KCNN2: variants seen among roughly 807,000 people sequenced by gnomAD.
KCNN2 encodes the protein small conductance calcium-activated potassium channel protein 2.
Under a neutral mutation model 55.5 loss-of-function variants are expected in KCNN2, and 24 were observed. That is an observed-to-expected ratio of 0.43 (90% confidence interval 0.31 to 0.61). KCNN2 has a LOEUF of 0.61. KCNN2 is among the 20% of genes least tolerant of loss of function. The pLI, the probability that KCNN2 is intolerant of heterozygous loss-of-function variation, is 0.08. For synonymous variants in KCNN2, 431 were observed against 336.1 expected, an observed-to-expected ratio of 1.28 and a Z score of -3.09; for missense variants, 754 against 853.6, an observed-to-expected ratio of 0.88 and a Z score of 1.45.
chr5:114,141,031 C>A (rs930717256), intron 1 of KCNN2, among the ~76,000 whole-genome samples: 64 of 152,006 alleles, frequency 4.2e-4, no homozygotes, highest in African/African-American at 1.5e-3. Flanking sequence ...TAGTGATCCA[C>A]CCTCCTCAGC....
At chr5:114,391,766 A>G (rs1322940842) in intron 2 of KCNN2, among the ~76,000 whole-genome samples, 3 of 152,212 alleles carry the variant, frequency 2.0e-5, no homozygotes, top group Non-Finnish European at 2.9e-5. Context: ...ATGCAGGCAT[A>G]CTTTCAGCTG....
At position 114,241,248 on chromosome 5, in the gene KCNN2, A is replaced by C. The variant is rs937367271; in HGVS notation, c.-185+19683A>C. Among the ~76,000 whole-genome samples, 4 of 152,080 alleles carry C rather than the reference A, an allele frequency of 2.6e-5. No homozygotes were observed. The South Asian group carries it at 6.2e-4, about 24-fold the overall frequency. ...CTGAGAACATTATGTAATTTAATGT[A>C]ATTCCACTCAGCATTTCAATAGATT... On this transcript the variant is annotated intron_variant, in intron 2 of 10. Transcript: ENST00000512097.
chr5:114,350,769 T>C (rs1240535424), intron 2 of KCNN2, among the ~76,000 whole-genome samples: 3 of 151,886 alleles, frequency 2.0e-5, no homozygotes, highest in African/African-American at 7.2e-5. Context: ...CAGTCATAAA[T>C]GTAAAGGTTT....
chr5:114,199,434 T>C (rs1753624362), intron 1 of KCNN2, among the ~76,000 whole-genome samples: 1 of 152,268 alleles, frequency 6.6e-6, no homozygotes, highest in Middle Eastern at 3.4e-3. Flanking sequence ...AATATTGATA[T>C]ATGAGGCTTT....
chr5:114,278,604 G>C (rs927879292), intron 2 of KCNN2, among the ~76,000 whole-genome samples: 3 of 152,226 alleles, frequency 2.0e-5, no homozygotes, highest in African/African-American at 7.2e-5. Flanking sequence ...CCTTGCTCCA[G>C]CATCCCAGGT....
At chr5:114,475,706 C>T (rs1055271285) in intron 5 of KCNN2, among the ~76,000 whole-genome samples, 1 of 151,986 alleles carries the variant, frequency 6.6e-6, no homozygotes, top group African/African-American at 2.4e-5. Context: ...CAGAAAAATG[C>T]ACGTGTGCTT....
chr5:114,403,128 G>A (rs1181076941), intron 2 of KCNN2, among the ~76,000 whole-genome samples: 1 of 152,166 alleles, frequency 6.6e-6, no homozygotes, highest in Admixed American at 6.5e-5. Context: ...TTTATCCTGA[G>A]TTTGTATTGT....
At position 114,072,907 on chromosome 5, in the gene KCNN2, A is replaced by G. The variant is rs147839106; in HGVS notation, c.-271+16407A>G. On this transcript the variant is annotated intron_variant, in intron 1 of 10. Transcript: ENST00000512097. Reference sequence around the variant, plus strand: ...TCTTTTGCTTAAAAGTACTATAAACATGTTAAATTAATTATATGCTAATAA... The same window carrying G: ...TCTTTTGCTTAAAAGTACTATAAACGTGTTAAATTAATTATATGCTAATAA... Among the ~76,000 whole-genome samples, 279 of 152,366 alleles carry G rather than the reference A, an allele frequency of 1.8e-3. 2 individuals are homozygous for G. Among genetic ancestry groups the G allele is most frequent in the African/African-American group, 6.2e-3 (258 of 41,586 alleles).
chr5:114,065,826 T>G (rs564357921), intron 1 of KCNN2, among the ~76,000 whole-genome samples: 1 of 146,494 alleles, frequency 6.8e-6, no homozygotes, highest in Non-Finnish European at 1.5e-5. Flanking sequence ...CTAAGAGCTT[T>G]TAGCTATTCT....
intron 2 of KCNN2, among the ~76,000 whole-genome samples, chr5:114,352,394 G>A (rs1028499102): frequency 6.8e-6 from 1 of 148,002 alleles, no homozygotes; most frequent in Non-Finnish European, 1.5e-5. Context: ...TATTTTCAAT[G>A]ATATGTTCTG....
At chr5:114,222,484 T>C (rs1480375028) in intron 2 of KCNN2, among the ~76,000 whole-genome samples, 4 of 152,156 alleles carry the variant, frequency 2.6e-5, no homozygotes, top group Admixed American at 6.5e-5. Flanking sequence ...GACCATGAAG[T>C]CATTAGGGGA....
intron 2 of KCNN2, among the ~76,000 whole-genome samples, chr5:114,255,379 G>T (rs541242731): frequency 2.4e-4 from 37 of 152,310 alleles, no homozygotes; most frequent in Non-Finnish European, 4.7e-4. Context: ...TTTCCAGACG[G>T]ATGAGGTGCT....
chr5:114,104,641 A>G (rs1053122837), intron 1 of KCNN2, among the ~76,000 whole-genome samples: 2 of 152,108 alleles, frequency 1.3e-5, no homozygotes, highest in Non-Finnish European at 2.9e-5. Context: ...TCATTATAGA[A>G]AAGAAAAAAT....
chr5:114,334,491 A>G (rs919868555), intron 2 of KCNN2, among the ~76,000 whole-genome samples: 3 of 152,108 alleles, frequency 2.0e-5, no homozygotes, highest in African/African-American at 7.2e-5. Context: ...ACACATATAT[A>G]TACGCACATA....
intron 1 of KCNN2, among the ~76,000 whole-genome samples, chr5:114,209,937 TA>T (rs68142187): frequency 0.39 from 59,404 of 151,962 alleles, 11,925 homozygotes; most frequent in East Asian, 0.73. Flanking sequence ...AAAATCATTT[TA>T]TTTTCAGTGC....
intron 3 of KCNN2, among the ~76,000 whole-genome samples, chr5:114,453,926 T>C (rs922793325): frequency 1.3e-5 from 2 of 152,142 alleles, no homozygotes; most frequent in African/African-American, 4.8e-5. Flanking sequence ...ATCTAGGTTT[T>C]AAGCCCCACA....
At chr5:114,239,343 G>A (rs915233082) in intron 2 of KCNN2, among the ~76,000 whole-genome samples, 4 of 152,094 alleles carry the variant, frequency 2.6e-5, no homozygotes, top group African/African-American at 4.8e-5. Context: ...AAAGTTAACC[G>A]GTGTGAGGAA....
chr5:114,337,202 T>C (rs1358541886), intron 2 of KCNN2, among the ~76,000 whole-genome samples: 1 of 152,048 alleles, frequency 6.6e-6, no homozygotes, highest in African/African-American at 2.4e-5. Flanking sequence ...TATTGAAATA[T>C]TGGATATGAT....
chr5:114,074,293 C>CGTGTGTGTGTGT (rs371882287), intron 1 of KCNN2, among the ~76,000 whole-genome samples: 21 of 144,506 alleles, frequency 1.5e-4, no homozygotes, highest in Non-Finnish European at 2.4e-4. Flanking sequence ...GCCATGTTTG[C>CGTGTGTGTGTGT]GTGTGTGTGT....
Sources: allele counts gnomAD v4.1 joint callset (sites outside exome capture counted in the v4.1 genomes callset), GRCh38; gene constraint gnomAD v4.1.1; transcripts MANE v1.5; gene names NCBI Gene and HGNC (gene_info 2026-07-23, HGNC 2026-07-21).